Variants in ITGA5 observed in about 807,000 individuals in gnomAD.
ITGA5 encodes the protein integrin alpha-5.
A neutral mutation model predicts 146.3 loss-of-function variants in ITGA5; 55 were observed. The ratio of observed to expected loss-of-function variants is 0.38; its 90% CI spans 0.30 to 0.47. ITGA5 has a LOEUF of 0.47. Among genes scored for constraint, ITGA5 ranks in the 20% least tolerant of loss-of-function variants. The pLI is 0.99. For synonymous variants in ITGA5, 500 were observed against 531.8 expected, an observed-to-expected ratio of 0.94 and a Z score of 0.82; for missense variants, 1,131 against 1,329.0, an observed-to-expected ratio of 0.85 and a Z score of 2.32.
At chr12:54,410,506 T>G (rs1955930137) in intron 2 of ITGA5, among the ~76,000 whole-genome samples, 2 of 152,032 alleles carry the variant, frequency 1.3e-5, no homozygotes, top group South Asian at 4.2e-4. Flanking sequence ...AATTTTTGTG[T>G]TTTTTGTACA....
In ITGA5 at chr12:54,405,666, G is replaced by A. The variant is rs1249378; in HGVS notation, c.1014C>T (p.Asp338=). The A allele has an allele frequency of 7.5e-4, 1,209 of 1,612,692 alleles. 11 individuals carry two copies. The African/African-American group carries it at 0.014, about 19-fold the overall frequency. Residue 338 remains aspartate, a splice_region_variant and synonymous_variant, in exon 11 of 30, where the codon GAC becomes GAT. Transcript: ENST00000293379. The part of the protein sequence containing the change: ...YAVAATDVNG[D]GLDDLLVGAP... The stretch of plus-strand genomic sequence containing the variant: ...TGCGCTCATTTCCCACCACTCACCC[G>A]TCCCCATTGACGTCTGTGGCGGCCA...
rs1011421678 is a variant in ITGA5 at position 54,418,837 on chromosome 12, C to A, written c.218+144G>T. The A allele has an allele frequency of 3.9e-6, 4 of 1,019,280 alleles. No homozygotes were observed. In the African/African-American group the frequency reaches 6.7e-5, roughly 17 times the overall value. The allele number at this position is 1,019,280 out of a possible 1,614,324, so 63.1% of individuals were successfully genotyped here. A position where few individuals can be genotyped will look rare whatever the true frequency, so the allele number is the denominator to read the frequency against. ...CCTACTCCAGCGCGGGCCCCCAACTCTAGCCAGGGCCCCCAACTGCAGCTC... is the reference window on the plus strand; with the variant it reads ...CCTACTCCAGCGCGGGCCCCCAACTATAGCCAGGGCCCCCAACTGCAGCTC... On this transcript the variant is annotated intron_variant, in intron 1 of 29. Transcript: ENST00000293379.
At position 54,404,166 on chromosome 12, in the gene ITGA5, A is replaced by G. The variant is rs370538855; in HGVS notation, c.1544T>C (p.Leu515Ser). Residue 515 changes from leucine (L) to serine (S), a missense_variant, in exon 15 of 30, where the codon TTA becomes TCA. By Grantham distance (145) the Leu-to-Ser change is moderately radical (BLOSUM62 -2). This residue lies in a region of ITGA5 where 889 missense variants were observed against 1,021.5 expected (regional missense o/e 0.87). Transcript: ENST00000293379. Reference protein sequence around the residue: ...MFNPEERSCSLEGNPVACINL... With the variant: ...MFNPEERSCSSEGNPVACINL... ...TCACCAGGCCACAGGGTTCCCCTCT[A>G]AGCTGCAGCTCCGCTCCTCTGGGTT... 13 of 1,593,118 alleles carry G rather than the reference A, an allele frequency of 8.2e-6. No individual in the cohort carries two copies. The African/African-American group carries it at 1.8e-4, about 21-fold the overall frequency.
chr12:54,410,307 A>G (rs1045825167), intron 2 of ITGA5, among the ~76,000 whole-genome samples: 2 of 149,010 alleles, frequency 1.3e-5, no homozygotes, highest in African/African-American at 5.0e-5. Context: ...TTCTTTGTCT[A>G]TACTTGGACT....
chr12:54,400,612 C>G (rs1955773505), intron 25 of ITGA5: 1 of 493,358 alleles, frequency 2.0e-6, no homozygotes, highest in African/African-American at 2.0e-5. Context: ...TAACTGGGCC[C>G]TAGGGGTATG....
Position 54,398,501 on chromosome 12 carries a change from T to C in ITGA5, c.2943+96A>G, listed in dbSNP as rs1272892472. On this transcript the variant is annotated intron_variant, in intron 28 of 29. Coordinates refer to ENST00000293379, the MANE Select transcript of ITGA5 (RefSeq NM_002205.5). ...CACATAGTACATTCTCAACAGTTGT[T>C]AACAATACCAAGGCCAGCCCTCACC... The C allele has an allele frequency of 3.7e-6, 3 of 811,512 alleles. No individual in the cohort carries two copies. The Admixed American group carries it at 7.8e-5, about 21-fold the overall frequency. 50.3% of individuals were successfully genotyped at this position (811,512 alleles called of 1,614,324 possible). A position where few individuals can be genotyped will look rare whatever the true frequency, so the allele number is the denominator to read the frequency against.
chr12:54,397,539 C>T, intron 28 of ITGA5, 52 bp from the exon 29 acceptor site: 1 of 1,604,936 alleles, frequency 6.2e-7, no homozygotes, highest in South Asian at 1.1e-5. Flanking sequence ...TCTTTCTACC[C>T]TATACTTGGC....
At chr12:54,405,033 C>A in intron 12 of ITGA5, 133 bp downstream of exon 12, 3 of 1,194,920 alleles carry the variant, frequency 2.5e-6, no homozygotes, top group Non-Finnish European at 3.5e-6. Flanking sequence ...TCCCAAGACC[C>A]AGACAGTGGG....
chr12:54,411,824 A>T lies in ITGA5; in HGVS notation c.349+10T>A. The T allele has an allele frequency of 6.8e-7, 1 of 1,473,558 alleles. No homozygotes were observed. Among genetic ancestry groups the T allele is most frequent in the Non-Finnish European group, 9.1e-7 (1 of 1,104,350 alleles). 91.3% of individuals were successfully genotyped at this position (1,473,558 alleles called of 1,614,324 possible). ...ACCCCCCAGTCCCTCCCTGAATTTC[A>T]CTGGCCTACCTTTGCTGTCAAATTC... On this transcript the variant is annotated intron_variant, in intron 2 of 29. Transcript: ENST00000293379.
intron 11 of ITGA5, 111 bp from the exon 12 acceptor site, chr12:54,405,485 A>C (rs1955854149): frequency 9.6e-7 from 1 of 1,038,528 alleles, no homozygotes; most frequent in Admixed American, 2.3e-5. Flanking sequence ...AGAAGACCTG[A>C]GGTCTCTGAT....
rs758635941 is a variant in ITGA5, at chr12:54,405,207, G to A, written c.1184C>T (p.Ser395Phe). The A allele has an allele frequency of 1.2e-5, 20 of 1,612,044 alleles. No individual in the cohort carries two copies. The highest frequency in any genetic ancestry group is 1.7e-5 in the Admixed American group (1 of 59,876). ...GHDEFGRFGS[S>F]LTPLGDLDQD... ...GTCCAGGTCCCCCAGGGGGGTCAAG[G>A]AGCTGCCAAATCGGCCAAACTCATC... is the stretch of plus-strand genomic sequence containing the variant. Residue 395 changes from serine to phenylalanine, a missense_variant, in exon 12 of 30, where the codon TCC becomes TTC. Physicochemically the swap from Ser to Phe is radical, Grantham distance 155 (BLOSUM62 -2). This residue lies in a region of ITGA5 where 889 missense variants were observed against 1,021.5 expected (regional missense o/e 0.87). Coordinates refer to ENST00000293379, the MANE Select transcript of ITGA5 (RefSeq NM_002205.5).
intron 25 of ITGA5, chr12:54,400,169 A>G: frequency 3.6e-6 from 2 of 548,582 alleles, no homozygotes; most frequent in South Asian, 4.3e-5. Flanking sequence ...GCTTAAGTAA[A>G]TAATTAGGTC....
At position 54,403,902 on chromosome 12, in the gene ITGA5, C is replaced by T. The variant is rs1955824373; in HGVS notation, c.1621+9G>A. ...CTAGGGCCTGAGAGATCCAGGCAGT[C>T]TCCCTCACCAATGGAGTCAGCAACG... On this transcript the variant is annotated intron_variant, in intron 16 of 29. Transcript: ENST00000293379. The surrounding 1 kb of genome is among the most constrained non-coding windows in gnomAD (Gnocchi z 4.9). 1 of 1,613,902 alleles carries T rather than the reference C, an allele frequency of 6.2e-7. No homozygotes were observed. The highest frequency in any genetic ancestry group is 1.3e-5 in the African/African-American group (1 of 75,052).
Position 54,402,031 on chromosome 12 carries a change from G to C in ITGA5, c.2196C>G (p.Asp732Glu). The C allele has an allele frequency of 6.2e-7, 1 of 1,614,168 alleles. No homozygotes were observed. The highest frequency in any genetic ancestry group is 1.1e-5 in the South Asian group (1 of 91,082). ...CTCCTGCCTTCATGGGGTTGCCCAG[G>C]TCACACACCAGCAGGCGGCTCTGGT... ...AVNQSRLLVC[D>E]LGNPMKAGAS... Residue 732 changes from aspartate (D) to glutamate (E), a missense_variant, in exon 21 of 30, where the codon GAC (aspartate) becomes GAG (glutamate). By Grantham distance (45) the Asp-to-Glu change is conservative. This residue lies in a region of ITGA5 where 889 missense variants were observed against 1,021.5 expected (regional missense o/e 0.87). Coordinates refer to ENST00000293379, the MANE Select transcript of ITGA5 (RefSeq NM_002205.5).
intron 27 of ITGA5, 60 bp downstream of exon 27, chr12:54,399,585 G>T: frequency 1.7e-6 from 2 of 1,178,980 alleles, no homozygotes; most frequent in South Asian, 1.2e-5. Context: ...GGAGAAAGGG[G>T]TGGGTCAGTC....
At chr12:54,414,119 T>G (rs536805570) in intron 1 of ITGA5, among the ~76,000 whole-genome samples, 36 of 152,332 alleles carry the variant, frequency 2.4e-4, no homozygotes, top group African/African-American at 8.7e-4. Context: ...GACCTAGGCC[T>G]CCTTTCCTCC....
intron 13 of ITGA5, 27 bp downstream of exon 13, chr12:54,404,676 T>C (rs770100754): frequency 6.2e-7 from 1 of 1,601,840 alleles, no homozygotes; most frequent in Non-Finnish European, 8.6e-7. Flanking sequence ...AATTTTAAGG[T>C]GAAAAGGGGC....
At chr12:54,407,429 G>A (rs1713605928) in intron 9 of ITGA5, 1 of 596,790 alleles carries the variant, frequency 1.7e-6, no homozygotes, top group Non-Finnish European at 3.0e-6. Flanking sequence ...TGTTATCCCA[G>A]TATACAGAGA....
At chr12:54,397,344 C>A in intron 29 of ITGA5, 21 bp downstream of exon 29, 2 of 1,613,444 alleles carry the variant, frequency 1.2e-6, no homozygotes, top group East Asian at 2.2e-5. Flanking sequence ...GTGGCCAAGT[C>A]ACAAGCAGGA....
Sources: allele counts gnomAD v4.1 joint callset (sites outside exome capture counted in the v4.1 genomes callset), GRCh38; gene constraint gnomAD v4.1.1; regional missense constraint gnomAD v4.1.1; non-coding constraint Gnocchi (gnomAD v3.1); transcripts MANE v1.5; gene names NCBI Gene and HGNC (gene_info 2026-07-23, HGNC 2026-07-21).